The following PPIP5K2 variants were observed in gnomAD, a reference collection of about 807,000 sequenced individuals.
The protein encoded by PPIP5K2 is inositol hexakisphosphate and diphosphoinositol-pentakisphosphate kinase 2.
A neutral mutation model predicts 154.6 loss-of-function variants in PPIP5K2; 105 were observed. The observed-to-expected ratio is 0.68, with a 90% CI of 0.58 to 0.80. The LOEUF (loss-of-function observed/expected upper bound fraction) is 0.80. Ranked by LOEUF, PPIP5K2 falls within the 30% of genes least tolerant of loss-of-function variation. The probability of loss-of-function intolerance (pLI) is 0.00; values close to 1 mark genes in which losing one functional copy is unlikely to be tolerated. For missense variants in PPIP5K2, 992 were observed against 1,504.6 expected (o/e 0.66, Z 5.64); for synonymous variants, 480 against 490.3 (o/e 0.98, Z 0.28).
chr5:103,131,025 A>G (rs939795318), intron 2 of PPIP5K2, among the ~76,000 whole-genome samples: 1 of 152,142 alleles, frequency 6.6e-6, no homozygotes, highest in African/African-American at 2.4e-5. Context: ...CCTCTCTGAA[A>G]TGACCTTATT....
chr5:103,141,411 G>A (rs759336358), intron 5 of PPIP5K2, among the ~76,000 whole-genome samples: 29 of 151,944 alleles, frequency 1.9e-4, no homozygotes, highest in Non-Finnish European at 3.2e-4. Flanking sequence ...CGTTCCTCCC[G>A]GTGGGCTCTT....
intron 28 of PPIP5K2, among the ~76,000 whole-genome samples, chr5:103,190,394 C>A (rs1554226502): frequency 6.6e-6 from 1 of 151,902 alleles, no homozygotes; most frequent in Non-Finnish European, 1.5e-5. Context: ...GGAAAAGTAT[C>A]TAAAATAATT....
At chr5:103,161,439 C>T (rs1199881750) in intron 17 of PPIP5K2, among the ~76,000 whole-genome samples, 1 of 152,038 alleles carries the variant, frequency 6.6e-6, no homozygotes, top group African/African-American at 2.4e-5. Context: ...TGTGTCTTTA[C>T]AGCAGCATGA....
intron 5 of PPIP5K2, among the ~76,000 whole-genome samples, chr5:103,142,483 C>G (rs1792952058): frequency 6.6e-6 from 1 of 152,218 alleles, no homozygotes; most frequent in Non-Finnish European, 1.5e-5. Context: ...AAAGGGGCTC[C>G]CACAGTGCAG....
At chr5:103,140,266 T>G (rs1453671890) in intron 5 of PPIP5K2, among the ~76,000 whole-genome samples, 5 of 152,034 alleles carry the variant, frequency 3.3e-5, no homozygotes, top group African/African-American at 1.2e-4. Context: ...ATAACAGAAC[T>G]TTCCAAACCT....
Position 103,120,306 on chromosome 5 carries a change from A to G in PPIP5K2, c.-467A>G, listed in dbSNP as rs1181772552. 2.9e-5 allele frequency: 12 copies of G among 409,764 alleles called. No homozygotes were observed. The Admixed American group carries it at 3.1e-4, about 11-fold the overall frequency. The allele number at this position is 409,764 out of a possible 1,614,324, so 25.4% of individuals were successfully genotyped here. A position where few individuals can be genotyped will look rare whatever the true frequency, so the allele number is the denominator to read the frequency against. On this transcript the variant is annotated 5_prime_UTR_variant, in exon 1 of 31. Transcript: ENST00000358359. ...GTGACGGAGATTCCTGAGGTGTAGT[A>G]GCCTGAGGTTCCCTTATGTGGCCCT...
chr5:103,122,274 A>C (rs1360583595), intron 1 of PPIP5K2, among the ~76,000 whole-genome samples: 3 of 152,248 alleles, frequency 2.0e-5, no homozygotes, highest in Non-Finnish European at 4.4e-5. Flanking sequence ...GTGAAAAGAT[A>C]GATCCAAAAT....
intron 17 of PPIP5K2, among the ~76,000 whole-genome samples, chr5:103,165,893 C>A (rs1797051183): frequency 6.6e-6 from 1 of 152,096 alleles, no homozygotes; most frequent in Admixed American, 6.6e-5. Flanking sequence ...TTACACAATT[C>A]TGACTGAAAA....
intron 2 of PPIP5K2, among the ~76,000 whole-genome samples, chr5:103,132,498 A>G (rs1790795137): frequency 6.6e-6 from 1 of 152,074 alleles, no homozygotes; most frequent in Non-Finnish European, 1.5e-5. Flanking sequence ...GTGAGCTGAG[A>G]TTGCGCCACT....
intron 7 of PPIP5K2, 45 bp from the exon 8 acceptor site, chr5:103,149,107 C>CAT: frequency 7.0e-7 from 1 of 1,418,646 alleles, no homozygotes; most frequent in Non-Finnish European, 9.6e-7. Context: ...CACACACACA[C>CAT]ACATACATAT....
intron 6 of PPIP5K2, among the ~76,000 whole-genome samples, chr5:103,147,490 A>G (rs953236088): frequency 1.9e-4 from 29 of 152,122 alleles, no homozygotes; most frequent in African/African-American, 6.5e-4. Flanking sequence ...TATATACCTT[A>G]GAAACACTCA....
At position 103,154,836 on chromosome 5, in the gene PPIP5K2, A is replaced by G; in HGVS notation, c.1296A>G (p.Glu432=). The G allele has an allele frequency of 6.4e-7, 1 of 1,570,066 alleles. No individual in the cohort carries two copies. Among genetic ancestry groups the G allele is most frequent in the Non-Finnish European group, 8.6e-7 (1 of 1,163,988 alleles). The change falls in exon 13 of 31, where the codon GAA becomes GAG. Residue 432 remains glutamate, a splice_region_variant and synonymous_variant. Transcript: ENST00000358359. The stretch of plus-strand genomic sequence containing the variant: ...TTTTTTATTAATTTATTTTATAGGA[A>G]GTGCTAGATATTGCACGACAGCTTC... ...LKLKKPKQLQ[E]VLDIARQLLM...
chr5:103,136,853 A>G, intron 4 of PPIP5K2, 31 bp downstream of exon 4: 1 of 1,512,916 alleles, frequency 6.6e-7, no homozygotes, highest in Non-Finnish European at 9.2e-7. Context: ...AATTAAGGGA[A>G]GGAAAAATAA....
chr5:103,173,429 T>C, intron 20 of PPIP5K2, 147 bp downstream of exon 20: 1 of 1,030,666 alleles, frequency 9.7e-7, no homozygotes, highest in Non-Finnish European at 1.4e-6. Flanking sequence ...TCTATTAAGT[T>C]CCAACCAAAG....
intron 4 of PPIP5K2, among the ~76,000 whole-genome samples, chr5:103,137,263 C>T (rs898482985): frequency 6.6e-6 from 1 of 151,406 alleles, no homozygotes; most frequent in Non-Finnish European, 1.5e-5. Flanking sequence ...CCCGGGTTCC[C>T]GCCATTCTCC....
At chr5:103,195,863 GAGT>G (rs1387302912) in intron 30 of PPIP5K2, among the ~76,000 whole-genome samples, 15 of 152,080 alleles carry the variant, frequency 9.9e-5, no homozygotes, top group Admixed American at 9.8e-4. Context: ...TTTTGGTTAA[GAGT>G]TTGTGCTTAA....
chr5:103,194,917 T>G lies in PPIP5K2; in HGVS notation c.3511T>G (p.Ser1171Ala). 1 of 1,612,822 alleles carries G rather than the reference T, an allele frequency of 6.2e-7. No homozygotes were observed. The highest frequency in any genetic ancestry group is 1.7e-4 in the Middle Eastern group (1 of 6,058). ...TTTTTCAGCCTCTACAGCTTTACGTTCCAGTCCAATAATGAGAAAAAAAGT... is the reference window on the plus strand; with the variant it reads ...TTTTTCAGCCTCTACAGCTTTACGTGCCAGTCCAATAATGAGAAAAAAAGT... The part of the protein sequence containing the change: ...TAEISSTALR[S>A]SPIMRKKVSL... The change falls in exon 30 of 31, where the codon TCC becomes GCC. Residue 1171 changes from serine (S) to alanine (A), a missense_variant. Ser to Ala is a moderately conservative substitution (Grantham distance 99). This residue lies in a region of PPIP5K2 where 131 missense variants were observed against 117.8 expected (regional missense o/e 1.11). Coordinates refer to ENST00000358359, the MANE Select transcript of PPIP5K2 (RefSeq NM_001276277.3).
intron 4 of PPIP5K2, among the ~76,000 whole-genome samples, chr5:103,137,773 T>G (rs1386549044): frequency 6.6e-6 from 1 of 152,180 alleles, no homozygotes; most frequent in Non-Finnish European, 1.5e-5. Flanking sequence ...ATTATTAATA[T>G]CTAAAATTTA....
Position 103,177,988 on chromosome 5 carries a change from A to G in PPIP5K2, c.2754+8A>G. The G allele has an allele frequency of 6.5e-7, 1 of 1,534,716 alleles. No homozygotes were observed. Among genetic ancestry groups the G allele is most frequent in the South Asian group, 1.1e-5 (1 of 89,100 alleles). On this transcript the variant is annotated splice_region_variant and intron_variant, in intron 23 of 30. Coordinates refer to ENST00000358359, the MANE Select transcript of PPIP5K2 (RefSeq NM_001276277.3). The stretch of plus-strand genomic sequence containing the variant: ...AGACCAGCTTCCAGAGAGGTAATGA[A>G]GGTGGAACTCTCAGTGCTTAGTTAC...
Sources: gnomAD v4.1 joint callset for allele counts (sites outside exome capture counted in the v4.1 genomes callset) on GRCh38, gnomAD v4.1.1 for gene constraint, gnomAD v4.1.1 regional missense constraint, MANE v1.5 for transcripts, NCBI Gene and HGNC (gene_info 2026-07-23, HGNC 2026-07-21) for gene names.